Variants in ARID4B observed in about 807,000 individuals in gnomAD.
ARID4B encodes the protein AT-rich interactive domain-containing protein 4B.
A neutral mutation model predicts 147.5 loss-of-function variants in ARID4B; 26 were observed. That is an observed-to-expected ratio of 0.18 (90% CI 0.13 to 0.24). The LOEUF is 0.24. Ranked by LOEUF, ARID4B falls within the 10% of genes least tolerant of loss-of-function variation. ARID4B has a pLI of 1.00. For synonymous variants in ARID4B, 512 were observed against 507.9 expected, an observed-to-expected ratio of 1.01 and a Z score of -0.11; for missense variants, 1,179 against 1,511.5, an observed-to-expected ratio of 0.78 and a Z score of 3.65.
intron 2 of ARID4B, among the ~76,000 whole-genome samples, chr1:235,268,370 T>TAC (rs34759406): frequency 0.13 from 18,942 of 150,048 alleles, 1,368 homozygotes; most frequent in African/African-American, 0.18. Context: ...TATATATACA[T>TAC]ACACACACAC....
intron 2 of ARID4B, among the ~76,000 whole-genome samples, chr1:235,289,725 CA>C (rs35163064): frequency 0.38 from 35,163 of 92,764 alleles, 4,993 homozygotes; most frequent in South Asian, 0.55. Context: ...GATTCTGCCT[CA>C]AAAAAAAAAA....
intron 19 of ARID4B, among the ~76,000 whole-genome samples, chr1:235,183,375 A>AT (rs1664453496): frequency 6.6e-6 from 1 of 151,550 alleles, no homozygotes; most frequent in Admixed American, 6.6e-5. Flanking sequence ...CGCCCGGCTA[A>AT]TTTTTTGTAT....
chr1:235,315,588 G>A (rs1674373395), intron 2 of ARID4B, among the ~76,000 whole-genome samples: 1 of 152,084 alleles, frequency 6.6e-6, no homozygotes, highest in Non-Finnish European at 1.5e-5. Flanking sequence ...CCTTATAAAT[G>A]TAAATTTGTA....
chr1:235,266,855 TA>T (rs1475127015), intron 2 of ARID4B, among the ~76,000 whole-genome samples: 2 of 152,244 alleles, frequency 1.3e-5, no homozygotes, highest in Non-Finnish European at 2.9e-5. Flanking sequence ...AGATGGTTTT[TA>T]AAAAGCAAAA....
chr1:235,205,823 A>C (rs1666272021), intron 17 of ARID4B, among the ~76,000 whole-genome samples: 2 of 152,244 alleles, frequency 1.3e-5, no homozygotes, highest in South Asian at 4.1e-4. Flanking sequence ...AGGAAAATGC[A>C]AATCAAAAAA....
intron 2 of ARID4B, among the ~76,000 whole-genome samples, chr1:235,323,504 G>T (rs1674993640): frequency 6.6e-6 from 1 of 152,104 alleles, no homozygotes; most frequent in South Asian, 2.1e-4. Context: ...GTAAAAATCG[G>T]CCGGGCGCAG....
At chr1:235,235,734 G>C (rs1482956430) in intron 8 of ARID4B, among the ~76,000 whole-genome samples, 1 of 151,962 alleles carries the variant, frequency 6.6e-6, no homozygotes, top group Admixed American at 6.6e-5. Flanking sequence ...AAACTGAAAA[G>C]GAGAACTGCA....
In ARID4B at chr1:235,189,917, T is replaced by C. The variant is rs531592063; in HGVS notation, c.2125+4096A>G. On this transcript the variant is annotated intron_variant, in intron 19 of 23. Transcript: ENST00000264183. The stretch of plus-strand genomic sequence containing the variant: ...ACAAAAATTAAAAAGGAGAGAACAG[T>C]AAAATGCAGGAGAGGAAATCATCAA... 1.9e-5 allele frequency: 3 copies of C among 153,896 alleles called. No homozygotes were observed. In the Admixed American group the frequency reaches 2.0e-4, roughly 10 times the overall value. The allele number at this position is 153,896 out of a possible 1,614,324, so 9.5% of individuals were successfully genotyped here. A position where few individuals can be genotyped will look rare whatever the true frequency, so the allele number is the denominator to read the frequency against.
rs564865022 is a variant in ARID4B at position 235,231,196 on chromosome 1, A to G, written c.666-7T>C. 2,839 of 1,323,120 alleles carry G rather than the reference A, an allele frequency of 2.1e-3. 7 individuals are homozygous for G. The highest frequency in any genetic ancestry group is 2.5e-3 in the Non-Finnish European group (2,513 of 1,001,506). The allele number at this position is 1,323,120 out of a possible 1,614,324, so 82.0% of individuals were successfully genotyped here. ...TTTTCTTGGAACTGAAGTACTATAT[A>G]TTTTTTTTAATTATAAGAGAAGAAA... On this transcript the variant is annotated splice_region_variant and splice_polypyrimidine_tract_variant and intron_variant, in intron 9 of 23. Coordinates refer to ENST00000264183, the MANE Select transcript of ARID4B (RefSeq NM_016374.6).
chr1:235,259,679 GTTAAT>G (rs1395595735), intron 3 of ARID4B, among the ~76,000 whole-genome samples: 5 of 152,194 alleles, frequency 3.3e-5, no homozygotes, highest in Admixed American at 3.3e-4. Context: ...CCAGTTTGTA[GTTAAT>G]TTAAAGGACT....
chr1:235,221,861 T>C (rs999667228), intron 13 of ARID4B, among the ~76,000 whole-genome samples, 199 bp from the exon 14 acceptor site: 1 of 148,864 alleles, frequency 6.7e-6, no homozygotes, highest in Non-Finnish European at 1.5e-5. Flanking sequence ...AAATTATAAA[T>C]GTTGAAATAT....
In ARID4B at chr1:235,231,109, T is replaced by C; in HGVS notation, c.742+4A>G. On this transcript the variant is annotated splice_donor_region_variant and intron_variant, in intron 10 of 23. Coordinates refer to ENST00000264183, the MANE Select transcript of ARID4B (RefSeq NM_016374.6). ...CTTGTAATTTATTCCAAGATTATCCTTACCTTGCTTTAAAACAGCATCAGG... is the reference window on the plus strand; with the variant it reads ...CTTGTAATTTATTCCAAGATTATCCCTACCTTGCTTTAAAACAGCATCAGG... 1 of 1,560,664 alleles carries C rather than the reference T, an allele frequency of 6.4e-7. No homozygotes were observed. The highest frequency in any genetic ancestry group is 1.2e-5 in the South Asian group (1 of 82,868).
chr1:235,187,443 C>A (rs961525326), intron 19 of ARID4B, among the ~76,000 whole-genome samples: 3 of 152,118 alleles, frequency 2.0e-5, no homozygotes, highest in African/African-American at 7.2e-5. Context: ...ATTAAGAATG[C>A]CCTATTAAAA....
intron 2 of ARID4B, among the ~76,000 whole-genome samples, chr1:235,304,946 G>A (rs551048695): frequency 2.7e-4 from 41 of 152,186 alleles, no homozygotes; most frequent in African/African-American, 9.9e-4. Flanking sequence ...ACTCTGGTAG[G>A]CAGAATGCAC....
intron 14 of ARID4B, 144 bp downstream of exon 14, chr1:235,221,421 T>C (rs1667460783): frequency 1.9e-6 from 1 of 524,356 alleles, no homozygotes; most frequent in Non-Finnish European, 3.3e-6. Context: ...GAATACACTT[T>C]AGAAAATACT....
chr1:235,168,531 G>A lies in ARID4B; in HGVS notation c.3933C>T (p.Cys1311=). ...GCTTTAGCAAGTCCTGCTGTCACCT[G>A]CACTCAACTGACATTCCATTTTGTG... ...SASQNGMSVE[C]R is the part of the protein sequence containing the mutation. The change falls in exon 24 of 24, where the codon TGC becomes TGT. Residue 1311 remains cysteine, a synonymous_variant. Coordinates refer to ENST00000264183, the MANE Select transcript of ARID4B (RefSeq NM_016374.6). 6.2e-7 allele frequency: 1 copy of A among 1,613,888 alleles called. No individual in the cohort carries two copies. Among genetic ancestry groups the A allele is most frequent in the African/African-American group, 1.3e-5 (1 of 75,018 alleles).
At chr1:235,211,998 C>T (rs1666746701) in intron 17 of ARID4B, among the ~76,000 whole-genome samples, 1 of 152,082 alleles carries the variant, frequency 6.6e-6, no homozygotes, top group South Asian at 2.1e-4. Context: ...CAGCTGACAC[C>T]CGTAATCCCA....
intron 2 of ARID4B, among the ~76,000 whole-genome samples, chr1:235,306,949 T>G (rs1004791209): frequency 6.6e-6 from 1 of 152,152 alleles, no homozygotes; most frequent in Admixed American, 6.6e-5. Context: ...CATTAGACAC[T>G]GTACCATGCC....
chr1:235,211,131 T>G (rs1236468602), intron 17 of ARID4B, among the ~76,000 whole-genome samples: 1 of 152,068 alleles, frequency 6.6e-6, no homozygotes, highest in Non-Finnish European at 1.5e-5. Flanking sequence ...GTCAGGAGTT[T>G]GAGACCAGCC....
Sources: gnomAD v4.1 joint callset for allele counts (sites outside exome capture counted in the v4.1 genomes callset) on GRCh38, gnomAD v4.1.1 for gene constraint, MANE v1.5 for transcripts, NCBI Gene and HGNC (gene_info 2026-07-23, HGNC 2026-07-21) for gene names.